Variants in PCNX2 observed in about 807,000 individuals in gnomAD.
The protein encoded by PCNX2 is pecanex-like protein 2.
In PCNX2, 168 loss-of-function variants were observed where a neutral mutation model predicts 223.8. The observed-to-expected ratio is 0.75, with a 90% CI of 0.66 to 0.85. PCNX2 has a LOEUF of 0.85. Ranked by LOEUF, PCNX2 falls within the 40% of genes least tolerant of loss-of-function variation. PCNX2 has a pLI of 0.00. For missense variants in PCNX2, 2,507 were observed against 2,675.5 expected, an observed-to-expected ratio of 0.94 and a Z score of 1.39; for synonymous variants, 1,006 against 1,052.6, an observed-to-expected ratio of 0.96 and a Z score of 0.86.
intron 24 of PCNX2, among the ~76,000 whole-genome samples, chr1:233,054,964 T>C (rs1672138761): frequency 6.6e-6 from 1 of 152,190 alleles, no homozygotes; most frequent in Admixed American, 6.5e-5. Flanking sequence ...TAACCAGCGC[T>C]TAGAATAATG....
At chr1:233,150,331 ACT>A (rs1411949581) in intron 19 of PCNX2, among the ~76,000 whole-genome samples, 5 of 152,098 alleles carry the variant, frequency 3.3e-5, no homozygotes, top group Non-Finnish European at 5.9e-5. Context: ...CAGAATATCT[ACT>A]CTCCAGGTTC....
At chr1:233,149,830 C>T (rs193138959) in intron 19 of PCNX2, among the ~76,000 whole-genome samples, 1 of 152,128 alleles carries the variant, frequency 6.6e-6, no homozygotes, top group African/African-American at 2.4e-5. Flanking sequence ...TTCAGGGCTG[C>T]CCATGGCCCA....
chr1:233,000,723 A>G lies in PCNX2; in HGVS notation c.5098-188T>C, dbSNP rs907522625. Among the ~76,000 whole-genome samples the G allele has an allele frequency of 3.3e-5, 5 of 152,166 alleles. No homozygotes were observed. The highest frequency in any genetic ancestry group is 2.1e-4 in the South Asian group (1 of 4,818). On this transcript the variant is annotated intron_variant, in intron 29 of 33. Transcript: ENST00000258229. This position sits in a 1 kb window ranked among gnomAD's most constrained non-coding sequence, Gnocchi z 4.6. The stretch of plus-strand genomic sequence containing the variant: ...CCTCTTTATCTCATTGCCCTAACCA[A>G]TGGAATGTGCCTAGAAAAGAGCTTC...
intron 10 of PCNX2, among the ~76,000 whole-genome samples, chr1:233,225,883 A>G (rs1657680707): frequency 6.6e-6 from 1 of 152,214 alleles, no homozygotes; most frequent in South Asian, 2.1e-4. Context: ...CCCTTGGGTA[A>G]CATAGTGTTG....
At chr1:233,157,763 T>G (rs77432316) in intron 19 of PCNX2, among the ~76,000 whole-genome samples, 10,506 of 152,260 alleles carry the variant, frequency 0.069, 571 homozygotes, top group East Asian at 0.31. Flanking sequence ...TAACTGGGCT[T>G]AAATCATCTT....
chr1:233,288,987 A>G (rs1331879761), intron 1 of PCNX2: 3 of 1,514,988 alleles, frequency 2.0e-6, no homozygotes, highest in Non-Finnish European at 2.7e-6. Context: ...ATGAACCTTC[A>G]TGAGCCGGCT....
chr1:233,132,998 G>A (rs7554137), intron 21 of PCNX2, among the ~76,000 whole-genome samples: 2,976 of 149,312 alleles, frequency 0.02, 37 homozygotes, highest in East Asian at 0.052. Context: ...TCCTGGGTTC[G>A]AGCAATTCCC....
Position 233,262,194 on chromosome 1 carries a change from G to C in PCNX2, c.360-29C>G, listed in dbSNP as rs1279340255. 1.9e-6 allele frequency: 3 copies of C among 1,612,450 alleles called. No individual in the cohort carries two copies. In the Admixed American group the frequency reaches 5.0e-5, roughly 27 times the overall value. ...ACCCAACATGAGAAACACAAGAGCA[G>C]TGAGCGATATTATCAAACAGAAGCA... On this transcript the variant is annotated intron_variant, in intron 2 of 33. Transcript: ENST00000258229.
the PCNX2 span, among the ~76,000 whole-genome samples, chr1:233,322,311 G>A: frequency 1.3e-5 from 2 of 152,192 alleles, no homozygotes; most frequent in Non-Finnish European, 2.9e-5. Flanking sequence ...CGAAAGAGCA[G>A]ATGTGGTTAC....
At chr1:233,133,948 G>A (rs1446719822) in intron 21 of PCNX2, among the ~76,000 whole-genome samples, 1 of 152,074 alleles carries the variant, frequency 6.6e-6, no homozygotes, top group South Asian at 2.1e-4. Context: ...TCTTTAGTAC[G>A]ATACAAGAGT....
At chr1:233,285,618 C>T (rs982986668) in intron 1 of PCNX2, among the ~76,000 whole-genome samples, 13 of 152,020 alleles carry the variant, frequency 8.6e-5, no homozygotes, top group Non-Finnish European at 1.6e-4. Context: ...GAGGTTGCAG[C>T]GACCTGAGAT....
intron 1 of PCNX2, among the ~76,000 whole-genome samples, chr1:233,274,918 C>T (rs1157761330): frequency 6.6e-6 from 1 of 152,130 alleles, no homozygotes; most frequent in African/African-American, 2.4e-5. Context: ...ACAAACTCAT[C>T]CATGTAGATG....
chr1:232,995,330 G>T (rs768478594), intron 32 of PCNX2, among the ~76,000 whole-genome samples: 34 of 152,178 alleles, frequency 2.2e-4, no homozygotes, highest in Non-Finnish European at 4.1e-4. Context: ...TGTGGCCAAG[G>T]CATGTGGTGT....
chr1:233,161,257 T>C lies in PCNX2; in HGVS notation c.3366+14A>G. 1 of 1,606,704 alleles carries C rather than the reference T, an allele frequency of 6.2e-7. No individual in the cohort carries two copies. The highest frequency in any genetic ancestry group is 2.2e-5 in the East Asian group (1 of 44,830). ...TAAGGGGGCAGGAAGAGTACAAAGT[T>C]GGTGGATACATACTCGCAATGACAG... On this transcript the variant is annotated intron_variant, in intron 18 of 33. Coordinates refer to ENST00000258229, the MANE Select transcript of PCNX2 (RefSeq NM_014801.4).
chr1:233,168,244 A>G (rs1355419403), intron 17 of PCNX2, among the ~76,000 whole-genome samples: 1 of 149,694 alleles, frequency 6.7e-6, no homozygotes, highest in Non-Finnish European at 1.5e-5. Flanking sequence ...AACATAGAGA[A>G]GAGAGGGGAA....
intron 21 of PCNX2, among the ~76,000 whole-genome samples, chr1:233,096,170 C>T (rs1263689704): frequency 6.6e-6 from 1 of 152,212 alleles, no homozygotes; most frequent in Admixed American, 6.5e-5. Flanking sequence ...TTTCCTCCTT[C>T]ATATTGGATC....
chr1:233,162,024 A>G (rs1678517727), intron 17 of PCNX2, among the ~76,000 whole-genome samples: 1 of 149,838 alleles, frequency 6.7e-6, no homozygotes, highest in South Asian at 2.1e-4. Context: ...ATTTATATAT[A>G]TACATAGATA....
intron 30 of PCNX2, among the ~76,000 whole-genome samples, chr1:232,999,996 G>A (rs994582365): frequency 2.6e-5 from 4 of 152,208 alleles, no homozygotes; most frequent in African/African-American, 9.6e-5. Context: ...AGAATAAAAA[G>A]TCTTTACAAA....
In PCNX2 at chr1:233,095,960, G is replaced by A. The variant is rs1205888143; in HGVS notation, c.3838-97C>T. ...AAGGACATTTGTCAAGGTTAGGAAG[G>A]GGCAGTGAAACTACTCTCTGCCCTC... On this transcript the variant is annotated intron_variant, in intron 21 of 33. Transcript: ENST00000258229. 8.2e-6 allele frequency: 7 copies of A among 855,112 alleles called. No individual in the cohort carries two copies. The East Asian group carries it at 1.6e-4, about 20-fold the overall frequency. 53.0% of individuals were successfully genotyped at this position (855,112 alleles called of 1,614,324 possible). A position where few individuals can be genotyped will look rare whatever the true frequency, so the allele number is the denominator to read the frequency against.
Sources: allele counts gnomAD v4.1 joint callset (sites outside exome capture counted in the v4.1 genomes callset), GRCh38; gene constraint gnomAD v4.1.1; non-coding constraint Gnocchi (gnomAD v3.1); transcripts MANE v1.5; gene names NCBI Gene and HGNC (gene_info 2026-07-23, HGNC 2026-07-21).